Variants in PLEKHA7 observed in about 807,000 individuals in gnomAD.
PLEKHA7 encodes pleckstrin homology domain-containing family A member 7.
Under a neutral mutation model 170.0 loss-of-function variants are expected in PLEKHA7, and 104 were observed. The observed-to-expected ratio is 0.61, with a 90% CI of 0.52 to 0.72. The LOEUF is 0.72. PLEKHA7 is among the 30% of genes least tolerant of loss of function. PLEKHA7 has a pLI of 0.00. For missense variants in PLEKHA7, 1,615 were observed against 1,671.7 expected (o/e 0.97, Z 0.59); for synonymous variants, 648 against 660.8 (o/e 0.98, Z 0.30).
In PLEKHA7 at chr11:16,778,844, C is replaced by G; in HGVS notation, c.*154G>C. ...CTAGTGGGTGCATATTAGGGCCTGG[C>G]CTGTGGTGAACACCCGCAGTCGGTA... On this transcript the variant is annotated 3_prime_UTR_variant, in exon 27 of 27. Coordinates refer to ENST00000531066, the MANE Select transcript of PLEKHA7 (RefSeq NM_001329630.2). 3.0e-6 allele frequency: 2 copies of G among 666,384 alleles called. No homozygotes were observed. The highest frequency in any genetic ancestry group is 3.3e-5 in the South Asian group (2 of 60,242). 41.3% of individuals were successfully genotyped at this position (666,384 alleles called of 1,614,324 possible).
At chr11:16,899,806 T>C (rs1209993739) in intron 3 of PLEKHA7, among the ~76,000 whole-genome samples, 1 of 152,188 alleles carries the variant, frequency 6.6e-6, no homozygotes, top group East Asian at 1.9e-4. Flanking sequence ...GAAGGATAAG[T>C]GATTTGCTGA....
intron 3 of PLEKHA7, among the ~76,000 whole-genome samples, chr11:16,916,458 G>A (rs1858687370): frequency 6.6e-6 from 1 of 152,130 alleles, no homozygotes; most frequent in Non-Finnish European, 1.5e-5. Context: ...GTGTGCTGTT[G>A]GGCCTGATTA....
chr11:16,868,915 G>C (rs555132793), intron 4 of PLEKHA7, among the ~76,000 whole-genome samples: 11 of 152,330 alleles, frequency 7.2e-5, no homozygotes, highest in African/African-American at 2.6e-4. Context: ...TGTGACAAGT[G>C]TTTTGTAATG....
chr11:16,780,968 T>A, intron 26 of PLEKHA7: 1 of 985,684 alleles, frequency 1.0e-6, no homozygotes, highest in Non-Finnish European at 1.2e-6. Context: ...AAAGGTGTAG[T>A]GGAGTCCGTT....
intron 23 of PLEKHA7, chr11:16,786,831 C>T: frequency 1.0e-6 from 1 of 985,320 alleles, no homozygotes; most frequent in South Asian, 4.7e-5. Context: ...GAAGAATAAC[C>T]AAGGATCTTT....
intron 3 of PLEKHA7, among the ~76,000 whole-genome samples, chr11:16,950,530 T>A (rs1861339528): frequency 6.6e-6 from 1 of 151,104 alleles, no homozygotes; most frequent in South Asian, 2.1e-4. Context: ...AAAGGAAATC[T>A]CTGCTGGATA....
intron 6 of PLEKHA7, among the ~76,000 whole-genome samples, chr11:16,852,908 T>C (rs1853099088): frequency 1.3e-5 from 2 of 152,188 alleles, no homozygotes; most frequent in Admixed American, 1.3e-4. Flanking sequence ...ATAAGAAAAA[T>C]CTGTCTTTAC....
At chr11:16,848,046 AC>A (rs1267131149) in intron 8 of PLEKHA7, among the ~76,000 whole-genome samples, 1 of 152,166 alleles carries the variant, frequency 6.6e-6, no homozygotes, top group Non-Finnish European at 1.5e-5. Context: ...GTCCTGCTCT[AC>A]AGTGTGCTCC....
intron 3 of PLEKHA7, among the ~76,000 whole-genome samples, chr11:16,933,188 T>A (rs750386958): frequency 6.6e-6 from 1 of 152,230 alleles, no homozygotes; most frequent in African/African-American, 2.4e-5. Flanking sequence ...TTAATCCTCA[T>A]GAAAACTTTT....
intron 12 of PLEKHA7, chr11:16,815,154 G>A (rs941811289): frequency 1.3e-5 from 2 of 152,906 alleles, no homozygotes; most frequent in African/African-American, 2.4e-5. Flanking sequence ...CCGGCCCTGA[G>A]AGGAGCCCAC....
chr11:16,851,058 C>T lies in PLEKHA7; in HGVS notation c.696+133G>A, dbSNP rs1852901068. On this transcript the variant is annotated intron_variant, in intron 8 of 26. Transcript: ENST00000531066. Reference sequence around the variant, plus strand: ...ATATTATTCTTGTTTAAATAACTTACAACTTTGTTAACCGGAATCTGAAAC... The same window carrying T: ...ATATTATTCTTGTTTAAATAACTTATAACTTTGTTAACCGGAATCTGAAAC... 4 of 589,690 alleles carry T rather than the reference C, an allele frequency of 6.8e-6. No homozygotes were observed. The Admixed American group carries it at 1.1e-4, about 17-fold the overall frequency. The allele number at this position is 589,690 out of a possible 1,614,324, so 36.5% of individuals were successfully genotyped here.
At chr11:16,920,589 T>C (rs1859015190) in intron 3 of PLEKHA7, among the ~76,000 whole-genome samples, 1 of 152,206 alleles carries the variant, frequency 6.6e-6, no homozygotes, top group South Asian at 2.1e-4. Flanking sequence ...GAAAAATTAT[T>C]TAAATTATTG....
At chr11:16,865,795 G>A (rs958710059) in intron 4 of PLEKHA7, among the ~76,000 whole-genome samples, 3 of 152,142 alleles carry the variant, frequency 2.0e-5, no homozygotes, top group Non-Finnish European at 4.4e-5. Context: ...CTGGACTGTG[G>A]TTTATTAAGG....
intron 3 of PLEKHA7, among the ~76,000 whole-genome samples, chr11:16,941,038 A>G (rs1860661781): frequency 6.6e-6 from 1 of 152,192 alleles, no homozygotes; most frequent in Non-Finnish European, 1.5e-5. Context: ...CAACCCTAGC[A>G]CTTACCTCCA....
intron 3 of PLEKHA7, chr11:17,013,364 G>A (rs562449785): frequency 6.6e-6 from 1 of 152,478 alleles, no homozygotes; most frequent in Non-Finnish European, 1.5e-5. Context: ...CAATCCCCCG[G>A]TTCAGCTCCG....
At position 16,790,731 on chromosome 11, in the gene PLEKHA7, AC is replaced by A; in HGVS notation, c.3052+66del. The A allele has an allele frequency of 4.0e-6, 6 of 1,482,396 alleles. No individual in the cohort carries two copies. The Admixed American group carries it at 1.1e-4, about 26-fold the overall frequency. 91.8% of individuals were successfully genotyped at this position (1,482,396 alleles called of 1,614,324 possible). ...AGCTGCAGGCAGAAGGGTACGAGGC[AC>A]CAGCTGAAGGCTGGAAGCAGTGTGG... On this transcript the variant is annotated intron_variant, in intron 21 of 26. Coordinates refer to ENST00000531066, the MANE Select transcript of PLEKHA7 (RefSeq NM_001329630.2).
rs1855615932 is a variant in PLEKHA7, at chr11:16,880,319, G to A, written c.222-9137C>T. Among the ~76,000 whole-genome samples, 2 of 152,214 alleles carry A rather than the reference G, an allele frequency of 1.3e-5. 1 individual carries two copies. Among genetic ancestry groups the A allele is most frequent in the South Asian group, 4.1e-4 (2 of 4,832 alleles). On this transcript the variant is annotated intron_variant, in intron 3 of 26. Coordinates refer to ENST00000531066, the MANE Select transcript of PLEKHA7 (RefSeq NM_001329630.2). ...ATCCCAGCTCTGCCACACACTGGTAGTGCATGACCTTGAGCGAGTTAGTGG... is the reference window on the plus strand; with the variant it reads ...ATCCCAGCTCTGCCACACACTGGTAATGCATGACCTTGAGCGAGTTAGTGG...
chr11:16,903,202 C>A (rs1857446257), intron 3 of PLEKHA7, among the ~76,000 whole-genome samples: 1 of 152,198 alleles, frequency 6.6e-6, no homozygotes, highest in Admixed American at 6.5e-5. Context: ...TGCTACTGAA[C>A]CCTGACTGAA....
rs145612270 is a variant in PLEKHA7 at position 16,948,800 on chromosome 11, T to C, written c.221+65189A>G. Among the ~76,000 whole-genome samples, 1,012 of 152,326 alleles carry C rather than the reference T, an allele frequency of 6.6e-3. 12 individuals are homozygous for C. The highest frequency in any genetic ancestry group is 0.024 in the African/African-American group (977 of 41,568). On this transcript the variant is annotated intron_variant, in intron 3 of 26. Transcript: ENST00000531066. ...GAAGTACTTTAGCAGAACTTGATCA[T>C]GAGCTCCAGGATTCCCACAGCCACC...
Sources: allele counts gnomAD v4.1 joint callset (sites outside exome capture counted in the v4.1 genomes callset), GRCh38; gene constraint gnomAD v4.1.1; transcripts MANE v1.5; gene names NCBI Gene and HGNC (gene_info 2026-07-23, HGNC 2026-07-21).